TRIM33: variants seen among roughly 807,000 people sequenced by gnomAD.
The protein encoded by TRIM33 is E3 ubiquitin-protein ligase TRIM33.
Under a neutral mutation model 125.4 loss-of-function variants are expected in TRIM33, and 20 were observed. The observed-to-expected ratio is 0.16, with a 90% CI of 0.11 to 0.23. The LOEUF (loss-of-function observed/expected upper bound fraction) is 0.23. TRIM33 is among the 10% of genes least tolerant of loss of function. The pLI, the probability that TRIM33 is intolerant of heterozygous loss-of-function variation, is 1.00. For missense variants in TRIM33, 920 were observed against 1,411.4 expected (o/e 0.65, Z 5.58); for synonymous variants, 564 against 513.9 (o/e 1.10, Z -1.32).
chr1:114,394,305 C>T lies in TRIM33; in HGVS notation c.*3343G>A, dbSNP rs562305604. The T allele has an allele frequency of 3.5e-5, 8 of 227,170 alleles. No homozygotes were observed. In the Admixed American group the frequency reaches 4.0e-4, roughly 11 times the overall value. 14.1% of individuals were successfully genotyped at this position (227,170 alleles called of 1,614,324 possible). On this transcript the variant is annotated 3_prime_UTR_variant, in exon 20 of 20. Transcript: ENST00000358465. ...TATGGGACGTAAAAGCCAAGGGAGA[C>T]GGGGCCACAGCATCTACTCCCATTT...
At chr1:114,489,039 G>GA (rs1651890389) in intron 1 of TRIM33, among the ~76,000 whole-genome samples, 1 of 152,128 alleles carries the variant, frequency 6.6e-6, no homozygotes, top group Non-Finnish European at 1.5e-5. Flanking sequence ...GACAGAGTGA[G>GA]ACCCTGTTTT....
chr1:114,456,149 G>A (rs1033642823), intron 4 of TRIM33, among the ~76,000 whole-genome samples: 11 of 152,162 alleles, frequency 7.2e-5, no homozygotes, highest in African/African-American at 2.7e-4. Flanking sequence ...TATTGGGATA[G>A]ACAGTATGTT....
At position 114,421,525 on chromosome 1, in the gene TRIM33, T is replaced by C. The variant is rs1653281871; in HGVS notation, c.1972A>G (p.Thr658Ala). The C allele has an allele frequency of 6.2e-7, 1 of 1,614,140 alleles. No homozygotes were observed. The highest frequency in any genetic ancestry group is 8.5e-7 in the Non-Finnish European group (1 of 1,180,034). ...TCTATTGCTGTAACAGATGGGCTGG[T>C]GGGACCTCGGTTTGCATTTGCCATA... ...ATMANANRGP[T>A]SPSVTAIELI... Residue 658 changes from threonine to alanine, a missense_variant, in exon 11 of 20, where the codon ACC (threonine) becomes GCC (alanine). Transcript: ENST00000358465.
Position 114,434,265 on chromosome 1 carries a change from C to CA in TRIM33, c.924-533dup, listed in dbSNP as rs577817468. On this transcript the variant is annotated intron_variant, in intron 4 of 19. Transcript: ENST00000358465. Reference sequence around the variant, plus strand: ...AAGCAATCCTCCTGCCTTGGCCTCTCAAAGTGCTAGGATTACAGGAGTGGG... The same window carrying CA: ...AAGCAATCCTCCTGCCTTGGCCTCTCAAAAGTGCTAGGATTACAGGAGTGGG... Among the ~76,000 whole-genome samples the CA allele has an allele frequency of 1.4e-4, 21 of 152,294 alleles. No homozygotes were observed. The East Asian group carries it at 4.0e-3, about 29-fold the overall frequency.
intron 4 of TRIM33, among the ~76,000 whole-genome samples, chr1:114,444,176 G>A (rs940741206): frequency 1.3e-5 from 2 of 152,148 alleles, no homozygotes; most frequent in African/African-American, 2.4e-5. Flanking sequence ...TGAAATCCAC[G>A]GGGCAGGGCA....
intron 1 of TRIM33, chr1:114,468,728 A>T (rs1436060859): frequency 2.4e-6 from 1 of 419,806 alleles, no homozygotes; most frequent in Non-Finnish European, 4.7e-6. Context: ...ATGAGGATGA[A>T]ATACTAGAGA....
At chr1:114,480,592 T>C (rs1250508599) in intron 1 of TRIM33, among the ~76,000 whole-genome samples, 1 of 145,942 alleles carries the variant, frequency 6.9e-6, no homozygotes, top group East Asian at 2.0e-4. Context: ...AAGAAAATTT[T>C]AAGGTACACT....
intron 1 of TRIM33, among the ~76,000 whole-genome samples, chr1:114,507,255 C>A (rs950374406): frequency 6.6e-6 from 1 of 152,176 alleles, no homozygotes; most frequent in South Asian, 2.1e-4. Flanking sequence ...GCTTGTTAAA[C>A]GAGACTACTG....
intron 11 of TRIM33, among the ~76,000 whole-genome samples, chr1:114,420,156 T>C (rs755017208): frequency 3.9e-4 from 59 of 152,300 alleles, no homozygotes; most frequent in Non-Finnish European, 6.3e-4. Context: ...CTGAAACAAA[T>C]TGGTGAAATT....
At chr1:114,494,557 CAA>C (rs1259479408) in intron 1 of TRIM33, among the ~76,000 whole-genome samples, 2 of 151,958 alleles carry the variant, frequency 1.3e-5, no homozygotes, top group African/African-American at 4.8e-5. Flanking sequence ...ATATACCTGA[CAA>C]AAGAGTCATG....
chr1:114,426,522 TA>T (rs67267317), intron 8 of TRIM33, among the ~76,000 whole-genome samples: 9,936 of 143,492 alleles, frequency 0.069, 347 homozygotes, highest in African/African-American at 0.1. Context: ...TTTTTTTTTT[TA>T]AAAAAAAAGG....
chr1:114,419,274 C>T (rs1367065802), intron 11 of TRIM33, among the ~76,000 whole-genome samples: 1 of 151,398 alleles, frequency 6.6e-6, no homozygotes, highest in Non-Finnish European at 1.5e-5. Flanking sequence ...AACTACAAGC[C>T]TGCAAAGAGA....
intron 1 of TRIM33, among the ~76,000 whole-genome samples, chr1:114,504,004 A>G (rs1292549422): frequency 6.6e-6 from 1 of 152,240 alleles, no homozygotes; most frequent in Non-Finnish European, 1.5e-5. Context: ...ACAGAGCTTT[A>G]AAGATCAAAA....
At chr1:114,417,936 G>A (rs1183913472) in intron 11 of TRIM33, among the ~76,000 whole-genome samples, 6 of 152,176 alleles carry the variant, frequency 3.9e-5, no homozygotes, top group East Asian at 1.9e-4. Context: ...GATTACAGGC[G>A]TGAGCCACTG....
chr1:114,493,399 GACTT>G (rs1452929236), intron 1 of TRIM33, among the ~76,000 whole-genome samples: 4 of 152,000 alleles, frequency 2.6e-5, no homozygotes, highest in Non-Finnish European at 5.9e-5. Flanking sequence ...GATCAAGTCC[GACTT>G]ACTATTTTTT....
At chr1:114,419,940 A>G (rs912271537) in intron 11 of TRIM33, among the ~76,000 whole-genome samples, 1 of 152,226 alleles carries the variant, frequency 6.6e-6, no homozygotes, top group African/African-American at 2.4e-5. Flanking sequence ...ACTTTTACAT[A>G]AGCCCATTAA....
Position 114,402,788 on chromosome 1 carries a change from G to A in TRIM33, c.2864C>T (p.Ala955Val), listed in dbSNP as rs371685549. Residue 955 changes from alanine (A) to valine (V), a missense_variant, in exon 16 of 20, where the codon GCG (alanine) becomes GTG (valine). By Grantham distance (64) the Ala-to-Val change is moderately conservative (BLOSUM62 0). Coordinates refer to ENST00000358465, the MANE Select transcript of TRIM33 (RefSeq NM_015906.4). The stretch of plus-strand genomic sequence containing the variant: ...TTGGTCCACGGGGCTTAACCCCTGC[G>A]CAGTTTTCCCCTTCTTACTATGTTG... ...NLQHSKKGKT[A>V]QGLSPVDQRK... The A allele has an allele frequency of 1.2e-5, 19 of 1,613,920 alleles. No individual in the cohort carries two copies. The highest frequency in any genetic ancestry group is 1.4e-5 in the Non-Finnish European group (17 of 1,179,964).
chr1:114,421,938 A>T (rs1415672156), intron 10 of TRIM33, among the ~76,000 whole-genome samples: 1 of 152,198 alleles, frequency 6.6e-6, no homozygotes, highest in East Asian at 1.9e-4. Context: ...ATTTTCAAAC[A>T]CCGGGGTAAG....
chr1:114,463,957 T>TG (rs1427602324), intron 2 of TRIM33, among the ~76,000 whole-genome samples: 1 of 151,662 alleles, frequency 6.6e-6, no homozygotes, highest in Non-Finnish European at 1.5e-5. Context: ...TTTGTAGAGA[T>TG]GGAGTCTCAC....
Sources: gnomAD v4.1 joint callset for allele counts (sites outside exome capture counted in the v4.1 genomes callset) on GRCh38, gnomAD v4.1.1 for gene constraint, MANE v1.5 for transcripts, NCBI Gene and HGNC (gene_info 2026-07-23, HGNC 2026-07-21) for gene names.